The following ALG9 variants were observed in gnomAD, a reference collection of about 807,000 sequenced individuals.
ALG9 encodes alpha-1,2-mannosyltransferase ALG9.
Under a neutral mutation model 81.8 loss-of-function variants are expected in ALG9, and 55 were observed. The observed-to-expected ratio is 0.67, with a 90% CI of 0.54 to 0.84. ALG9 has a LOEUF of 0.84. ALG9 is among the 40% of genes least tolerant of loss of function. The pLI is 0.00. For synonymous variants in ALG9, 278 were observed against 274.3 expected (o/e 1.01, Z -0.13); for missense variants, 629 against 745.0 (o/e 0.84, Z 1.81).
At chr11:111,836,365 A>C in intron 12 of ALG9, 71 bp from the exon 13 acceptor site, 1 of 1,585,982 alleles carries the variant, frequency 6.3e-7, no homozygotes, top group South Asian at 1.1e-5. Flanking sequence ...GAAACAAACA[A>C]GCCAGGAAAA....
intron 14 of ALG9, among the ~76,000 whole-genome samples, chr11:111,803,169 A>G (rs1156797737): frequency 6.6e-6 from 1 of 152,196 alleles, no homozygotes; most frequent in African/African-American, 2.4e-5. Context: ...GTTTATATGG[A>G]GAGGCAAAAG....
At chr11:111,849,255 C>G (rs189514054) in intron 8 of ALG9, among the ~76,000 whole-genome samples, 197 of 151,926 alleles carry the variant, frequency 1.3e-3, no homozygotes, top group African/African-American at 4.5e-3. Context: ...TTCACCATGT[C>G]GGCCAGGCTG....
At chr11:111,769,814 T>C in the ALG9 span, among the ~76,000 whole-genome samples, 1 of 152,128 alleles carries the variant, frequency 6.6e-6, no homozygotes, top group African/African-American at 2.4e-5. Context: ...CCAAGTACAA[T>C]GAACTGGCGA....
chr11:111,843,779 T>C (rs1956563899), intron 9 of ALG9, among the ~76,000 whole-genome samples: 1 of 151,948 alleles, frequency 6.6e-6, no homozygotes, highest in African/African-American at 2.4e-5. Context: ...CAAACCAAAC[T>C]TTCTCCAATA....
intron 3 of ALG9, among the ~76,000 whole-genome samples, chr11:111,865,739 C>A (rs1330199614): frequency 2.0e-5 from 3 of 152,028 alleles, no homozygotes; most frequent in African/African-American, 7.2e-5. Flanking sequence ...TCAGTTACAG[C>A]TATGGACACT....
In ALG9 at chr11:111,865,172, T is replaced by C. The variant is rs782648734; in HGVS notation, c.476+9A>G. ...ACAGCACTTTTAGAAGCAAAGTTTT[T>C]ATACTCACTTGTAAAAGTAAAGTTC... On this transcript the variant is annotated intron_variant, in intron 4 of 14. Coordinates refer to ENST00000616540, the MANE Select transcript of ALG9 (RefSeq NM_024740.2). The C allele has an allele frequency of 2.6e-6, 4 of 1,537,840 alleles. No individual in the cohort carries two copies. The highest frequency in any genetic ancestry group is 3.5e-6 in the Non-Finnish European group (4 of 1,142,670).
At chr11:111,856,460 A>ATTTGT (rs144461408) in intron 6 of ALG9, among the ~76,000 whole-genome samples, 2 of 151,840 alleles carry the variant, frequency 1.3e-5, no homozygotes, top group African/African-American at 4.8e-5. Context: ...GAATAATTCC[A>ATTTGT]TTTGTTTTAA....
At chr11:111,800,178 G>A (rs1321354861) in intron 14 of ALG9, among the ~76,000 whole-genome samples, 1 of 152,058 alleles carries the variant, frequency 6.6e-6, no homozygotes, top group African/African-American at 2.4e-5. Flanking sequence ...TCCTTTATGT[G>A]CCTTAAAGAA....
chr11:111,792,326 A>T (rs1947565078), intron 14 of ALG9, among the ~76,000 whole-genome samples: 1 of 152,366 alleles, frequency 6.6e-6, no homozygotes, highest in Admixed American at 6.5e-5. Context: ...GTAAATGCTG[A>T]AAAACAAATG....
intron 8 of ALG9, among the ~76,000 whole-genome samples, chr11:111,852,507 C>T (rs1405335158): frequency 6.6e-6 from 1 of 152,210 alleles, no homozygotes; most frequent in Non-Finnish European, 1.5e-5. Context: ...CTTCCCCACC[C>T]TCCCATGCTG....
chr11:111,804,517 G>T (rs1483081524), intron 14 of ALG9, among the ~76,000 whole-genome samples: 4 of 152,138 alleles, frequency 2.6e-5, no homozygotes, highest in Non-Finnish European at 5.9e-5. Flanking sequence ...CTTGAGCCCA[G>T]GAGTTAGAGG....
At chr11:111,841,035 A>G (rs1392758530) in intron 9 of ALG9, among the ~76,000 whole-genome samples, 1 of 152,200 alleles carries the variant, frequency 6.6e-6, no homozygotes, top group Admixed American at 6.5e-5. Context: ...AACAAGCACA[A>G]TACTAGATTT....
At chr11:111,794,558 GCAGGCATGAGCCACC>G (rs1248899650) in intron 14 of ALG9, among the ~76,000 whole-genome samples, 27 of 152,118 alleles carry the variant, frequency 1.8e-4, no homozygotes, top group African/African-American at 6.3e-4. Flanking sequence ...TAGTGGGACT[GCAGGCATGAGCCACC>G]ATGCCTGGCC....
chr11:111,787,822 T>C (rs1255913350), intron 14 of ALG9, among the ~76,000 whole-genome samples: 2 of 152,086 alleles, frequency 1.3e-5, no homozygotes, highest in African/African-American at 4.8e-5. Context: ...GATAATCCTG[T>C]GAGGAAGTGG....
chr11:111,773,238 A>G, the ALG9 span, among the ~76,000 whole-genome samples: 1,323 of 151,964 alleles, frequency 8.7e-3, 23 homozygotes, highest in African/African-American at 0.03. Context: ...TTTAGCCACA[A>G]TGGTAGATTT....
At chr11:111,843,951 T>C (rs1000262179) in intron 9 of ALG9, among the ~76,000 whole-genome samples, 3 of 152,218 alleles carry the variant, frequency 2.0e-5, no homozygotes, top group African/African-American at 7.2e-5. Flanking sequence ...AAGCAACCTA[T>C]CAGGTTAATA....
chr11:111,859,325 A>C (rs1326864733), intron 5 of ALG9, among the ~76,000 whole-genome samples: 1 of 152,080 alleles, frequency 6.6e-6, no homozygotes, highest in African/African-American at 2.4e-5. Flanking sequence ...AACATGGTGA[A>C]ACCCCATCTC....
At chr11:111,858,405 C>T (rs1959053390) in intron 5 of ALG9, among the ~76,000 whole-genome samples, 1 of 152,204 alleles carries the variant, frequency 6.6e-6, no homozygotes. Context: ...AGAGCCATTG[C>T]TGACAATTTA....
chr11:111,795,470 T>TATA (rs1948124031), intron 14 of ALG9, among the ~76,000 whole-genome samples: 1 of 152,108 alleles, frequency 6.6e-6, no homozygotes, highest in Non-Finnish European at 1.5e-5. Flanking sequence ...CTGCAAAAGG[T>TATA]CCCATAATTG....
Sources: allele counts gnomAD v4.1 joint callset (sites outside exome capture counted in the v4.1 genomes callset), GRCh38; gene constraint gnomAD v4.1.1; transcripts MANE v1.5; gene names NCBI Gene and HGNC (gene_info 2026-07-23, HGNC 2026-07-21).